The following LHX8 variants were observed in gnomAD, a reference collection of about 807,000 sequenced individuals.
The protein encoded by LHX8 is LIM homeobox 8.
LHX8 carries 12 observed loss-of-function variants against 40.3 expected under a neutral mutation model. The ratio of observed to expected loss-of-function variants is 0.30; its 90% CI spans 0.19 to 0.48. The LOEUF (loss-of-function observed/expected upper bound fraction) is 0.48, where lower values mean the gene tolerates loss of function less well. Ranked by LOEUF, LHX8 falls within the 20% of genes least tolerant of loss-of-function variation. The probability of loss-of-function intolerance (pLI) is 0.99; values close to 1 mark genes in which losing one functional copy is unlikely to be tolerated. For synonymous variants in LHX8, 179 were observed against 162.0 expected, an observed-to-expected ratio of 1.10 and a Z score of -0.80; for missense variants, 344 against 433.7, an observed-to-expected ratio of 0.79 and a Z score of 1.84.
chr1:75,183,305 AC>A, the LHX8 span, among the ~76,000 whole-genome samples: 1 of 152,156 alleles, frequency 6.6e-6, no homozygotes, highest in Non-Finnish European at 1.5e-5. Flanking sequence ...GAAGAAGATC[AC>A]CCCCAAGACA....
At chr1:75,144,876 C>T (rs1469914802) in intron 6 of LHX8, among the ~76,000 whole-genome samples, 2 of 152,040 alleles carry the variant, frequency 1.3e-5, no homozygotes, top group Non-Finnish European at 2.9e-5. Context: ...TCGAAAATCA[C>T]GTTTAGTATT....
intron 7 of LHX8, among the ~76,000 whole-genome samples, chr1:75,153,397 C>G (rs1028221588): frequency 1.3e-5 from 2 of 150,802 alleles, no homozygotes; most frequent in South Asian, 2.1e-4. Flanking sequence ...AGCCATCACG[C>G]CTGGCCTTTT....
chr1:75,186,062 AC>A, the LHX8 span, among the ~76,000 whole-genome samples: 6 of 152,224 alleles, frequency 3.9e-5, no homozygotes, highest in Admixed American at 2.6e-4. Context: ...AAATGGAAAA[AC>A]ATTTAATGCT....
upstream of LHX8, among the ~76,000 whole-genome samples, chr1:75,129,786 G>A (rs767690030): frequency 6.6e-6 from 1 of 152,206 alleles, no homozygotes; most frequent in African/African-American, 2.4e-5. Flanking sequence ...GGGAGGAGAA[G>A]CCTGAAGGGC....
the LHX8 span, among the ~76,000 whole-genome samples, chr1:75,188,688 G>A: frequency 4.6e-5 from 7 of 152,220 alleles, no homozygotes; most frequent in East Asian, 3.9e-4. Context: ...GTTCTCCATC[G>A]GAAAATTAAC....
At chr1:75,197,204 C>T in the LHX8 span, among the ~76,000 whole-genome samples, 2 of 151,986 alleles carry the variant, frequency 1.3e-5, no homozygotes, top group Non-Finnish European at 2.9e-5. Context: ...TGTTTCATAT[C>T]GGAAATTTTT....
chr1:75,177,513 C>A, the LHX8 span, among the ~76,000 whole-genome samples: 5 of 152,120 alleles, frequency 3.3e-5, no homozygotes, highest in Non-Finnish European at 5.9e-5. Flanking sequence ...GTGATTTTTG[C>A]ACATTGATTT....
chr1:75,140,939 A>G (rs1260460638), intron 3 of LHX8, 46 bp from the exon 4 acceptor site: 2 of 1,606,828 alleles, frequency 1.2e-6, no homozygotes, highest in Admixed American at 1.7e-5. Flanking sequence ...ACCAATGAAT[A>G]CTTTTCTTAA....
At chr1:75,173,023 T>C in the LHX8 span, among the ~76,000 whole-genome samples, 2 of 152,202 alleles carry the variant, frequency 1.3e-5, no homozygotes, top group Non-Finnish European at 2.9e-5. Flanking sequence ...CAGCTCAGTC[T>C]CTTTCTTTTG....
At chr1:75,178,289 A>C in the LHX8 span, among the ~76,000 whole-genome samples, 3 of 152,162 alleles carry the variant, frequency 2.0e-5, no homozygotes. Context: ...TTTGGCTGTG[A>C]ATCCATCTGG....
chr1:75,170,169 C>T, the LHX8 span, among the ~76,000 whole-genome samples: 2 of 152,180 alleles, frequency 1.3e-5, no homozygotes, highest in East Asian at 1.9e-4. Flanking sequence ...TTCTGGGCTA[C>T]GATTTCTTTT....
At chr1:75,156,399 G>A (rs887576454) in intron 7 of LHX8, among the ~76,000 whole-genome samples, 5 of 151,872 alleles carry the variant, frequency 3.3e-5, no homozygotes, top group Admixed American at 1.3e-4. Context: ...CAACCACCAC[G>A]GCCAGCTAGT....
the LHX8 span, among the ~76,000 whole-genome samples, chr1:75,179,959 A>G: frequency 2.0e-5 from 3 of 152,136 alleles, no homozygotes; most frequent in African/African-American, 7.2e-5. Flanking sequence ...AGCTTAGTTT[A>G]GCTGGATATG....
chr1:75,150,068 C>A (rs1322888403), intron 7 of LHX8, among the ~76,000 whole-genome samples: 1 of 151,964 alleles, frequency 6.6e-6, no homozygotes, highest in Non-Finnish European at 1.5e-5. Flanking sequence ...ATGGTGAAAC[C>A]CCATCTCTAC....
chr1:75,193,526 C>T, the LHX8 span, among the ~76,000 whole-genome samples: 4 of 152,198 alleles, frequency 2.6e-5, no homozygotes, highest in African/African-American at 9.6e-5. Context: ...GGCACATTTA[C>T]TTCTAATGAG....
the LHX8 span, among the ~76,000 whole-genome samples, chr1:75,195,704 T>A: frequency 6.6e-6 from 1 of 152,094 alleles, no homozygotes; most frequent in African/African-American, 2.4e-5. Flanking sequence ...CCCATCCCAA[T>A]GGTGCACAAA....
upstream of LHX8, among the ~76,000 whole-genome samples, chr1:75,129,796 C>T (rs115167049): frequency 2.6e-3 from 403 of 152,312 alleles, 2 homozygotes; most frequent in African/African-American, 9.2e-3. Context: ...GCCTGAAGGG[C>T]CTCGGTTCCA....
downstream of LHX8, among the ~76,000 whole-genome samples, chr1:75,163,984 A>T (rs991871069): frequency 2.0e-5 from 3 of 152,180 alleles, no homozygotes; most frequent in Admixed American, 6.5e-5. Flanking sequence ...TGGTGCCTTG[A>T]TCTTGTTCAC....
At chr1:75,171,316 A>G in the LHX8 span, among the ~76,000 whole-genome samples, 1 of 152,092 alleles carries the variant, frequency 6.6e-6, no homozygotes, top group African/African-American at 2.4e-5. Flanking sequence ...TATTTTTCAA[A>G]TATGCAGACA....
Sources: allele counts gnomAD v4.1 joint callset (sites outside exome capture counted in the v4.1 genomes callset), GRCh38; gene constraint gnomAD v4.1.1; transcripts MANE v1.5; gene names NCBI Gene and HGNC (gene_info 2026-07-23, HGNC 2026-07-21).